Variants in GARIN2 observed in about 807,000 individuals in gnomAD.
GARIN2 encodes the protein golgi associated RAB2 interactor family member 2.
the GARIN2 span, chr14:67,223,837 T>C: frequency 1.0e-6 from 1 of 985,824 alleles, no homozygotes; most frequent in Non-Finnish European, 1.2e-6. Context: ...TCCCCTTCCA[T>C]ACACTTTTAC....
the GARIN2 span, among the ~76,000 whole-genome samples, chr14:67,220,457 A>T: frequency 7.3e-5 from 11 of 151,680 alleles, no homozygotes; most frequent in African/African-American, 2.7e-4. Context: ...AAAAAAAAAA[A>T]GGTAAATGAT....
the GARIN2 span, among the ~76,000 whole-genome samples, chr14:67,226,402 C>G: frequency 9.2e-5 from 14 of 152,082 alleles, no homozygotes; most frequent in Non-Finnish European, 2.1e-4. Flanking sequence ...CGCTCTGTCA[C>G]CAGGCTGGAG....
chr14:67,192,909 TATAG>T, the GARIN2 span, among the ~76,000 whole-genome samples: 3 of 146,566 alleles, frequency 2.0e-5, no homozygotes, highest in East Asian at 2.0e-4. Flanking sequence ...TCTAGATATA[TATAG>T]ATATATATGT....
chr14:67,212,617 A>AC, the GARIN2 span, among the ~76,000 whole-genome samples: 1 of 145,924 alleles, frequency 6.9e-6, no homozygotes, highest in African/African-American at 2.5e-5. Flanking sequence ...ATATATATGT[A>AC]ATATATATTA....
the GARIN2 span, among the ~76,000 whole-genome samples, chr14:67,226,547 G>T: frequency 6.6e-6 from 1 of 152,140 alleles, no homozygotes; most frequent in Non-Finnish European, 1.5e-5. Context: ...TTTTAGTAGA[G>T]ACGGGGTTTC....
chr14:67,200,055 G>T, the GARIN2 span: 2 of 934,504 alleles, frequency 2.1e-6, no homozygotes, highest in Non-Finnish European at 3.2e-6. Context: ...CTGGGGGACA[G>T]CCACCACCCC....
At chr14:67,213,352 C>G in the GARIN2 span, among the ~76,000 whole-genome samples, 1 of 123,166 alleles carries the variant, frequency 8.1e-6, no homozygotes, top group Non-Finnish European at 1.6e-5. Flanking sequence ...GTGTGATGTT[C>G]CCCTTCCTGT....
chr14:67,195,689 T>C, the GARIN2 span, among the ~76,000 whole-genome samples: 1 of 151,674 alleles, frequency 6.6e-6, no homozygotes, highest in Non-Finnish European at 1.5e-5. Context: ...CTGCTAATTA[T>C]AGAACTTAAT....
At chr14:67,209,220 T>C in the GARIN2 span, among the ~76,000 whole-genome samples, 1 of 152,212 alleles carries the variant, frequency 6.6e-6, no homozygotes, top group African/African-American at 2.4e-5. Context: ...CCATATCTCA[T>C]GGAGTGTTTT....
At chr14:67,201,828 G>A in the GARIN2 span, 3 of 252,942 alleles carry the variant, frequency 1.2e-5, no homozygotes, top group Admixed American at 5.0e-5. Flanking sequence ...ATACAGCTGA[G>A]AAACTACAGT....
chr14:67,211,378 A>G, the GARIN2 span, among the ~76,000 whole-genome samples: 1 of 152,166 alleles, frequency 6.6e-6, no homozygotes, highest in East Asian at 1.9e-4. Flanking sequence ...ACCACACAGG[A>G]TGTCTGAAGT....
the GARIN2 span, among the ~76,000 whole-genome samples, chr14:67,190,493 G>A: frequency 6.6e-6 from 1 of 152,230 alleles, no homozygotes; most frequent in African/African-American, 2.4e-5. Flanking sequence ...AAAGTTCTGG[G>A]ATTACAGGCG....
chr14:67,217,137 C>T, the GARIN2 span, among the ~76,000 whole-genome samples: 425 of 151,740 alleles, frequency 2.8e-3, 2 homozygotes, highest in African/African-American at 9.8e-3. Flanking sequence ...TAAATTGATC[C>T]GTTTATAACT....
At chr14:67,200,741 A>G in the GARIN2 span, among the ~76,000 whole-genome samples, 2 of 152,172 alleles carry the variant, frequency 1.3e-5, no homozygotes, top group African/African-American at 4.8e-5. Flanking sequence ...TACCTTATAC[A>G]TACTTCTTTC....
At chr14:67,220,020 G>T in the GARIN2 span, among the ~76,000 whole-genome samples, 2 of 152,172 alleles carry the variant, frequency 1.3e-5, no homozygotes, top group African/African-American at 4.8e-5. Flanking sequence ...CTGCTGTATT[G>T]CAGAGACATT....
At chr14:67,227,509 T>G in the GARIN2 span, 3 of 151,418 alleles carry the variant, frequency 2.0e-5, no homozygotes, top group African/African-American at 7.3e-5. Context: ...TGCTGATATA[T>G]GGGAAAAGGT....
chr14:67,199,737 C>T, the GARIN2 span: 1 of 1,571,806 alleles, frequency 6.4e-7, no homozygotes, highest in Non-Finnish European at 8.7e-7. Context: ...CCTGTGGTAT[C>T]ATCATTGGGG....
chr14:67,227,215 G>A, the GARIN2 span, among the ~76,000 whole-genome samples: 1 of 152,108 alleles, frequency 6.6e-6, no homozygotes, highest in Non-Finnish European at 1.5e-5. Flanking sequence ...GCTGAGGTGG[G>A]TGGATCACGA....
chr14:67,222,350 G>C, the GARIN2 span, among the ~76,000 whole-genome samples: 4 of 152,174 alleles, frequency 2.6e-5, no homozygotes, highest in Non-Finnish European at 4.4e-5. Flanking sequence ...ATGTGCAGTG[G>C]TGTGATCTTG....
Sources: allele counts gnomAD v4.1 joint callset (sites outside exome capture counted in the v4.1 genomes callset), GRCh38; gene constraint gnomAD v4.1.1; transcripts MANE v1.5; gene names NCBI Gene and HGNC (gene_info 2026-07-23, HGNC 2026-07-21).